The following ETV6 variants were observed in gnomAD, a reference collection of about 807,000 sequenced individuals.
ETV6 encodes the protein transcription factor ETV6.
A neutral mutation model predicts 51.1 loss-of-function variants in ETV6; 16 were observed. That is an observed-to-expected ratio of 0.31 (90% CI 0.21 to 0.48). The LOEUF (loss-of-function observed/expected upper bound fraction) is 0.48. ETV6 is among the 20% of genes least tolerant of loss of function. ETV6 has a pLI of 0.99. For missense variants in ETV6, 458 were observed against 594.8 expected, an observed-to-expected ratio of 0.77 and a Z score of 2.39; for synonymous variants, 240 against 224.1, an observed-to-expected ratio of 1.07 and a Z score of -0.64.
chr12:11,841,037 G>T (rs1322457346), intron 3 of ETV6, among the ~76,000 whole-genome samples: 4 of 152,190 alleles, frequency 2.6e-5, no homozygotes, highest in Non-Finnish European at 4.4e-5. Flanking sequence ...ACAGTGGTGG[G>T]TTTTGACTTG....
chr12:11,867,349 T>C (rs1946803596), intron 4 of ETV6, among the ~76,000 whole-genome samples: 1 of 152,184 alleles, frequency 6.6e-6, no homozygotes, highest in Non-Finnish European at 1.5e-5. Flanking sequence ...TACTCCTCAT[T>C]CCTTTTTACT....
chr12:11,850,351 C>G (rs1316577837), intron 3 of ETV6, among the ~76,000 whole-genome samples: 1 of 152,156 alleles, frequency 6.6e-6, no homozygotes, highest in Non-Finnish European at 1.5e-5. Context: ...CCCACCAGGT[C>G]AGGATGAGAC....
chr12:11,710,253 C>T (rs1016594113), intron 1 of ETV6, among the ~76,000 whole-genome samples: 1 of 151,948 alleles, frequency 6.6e-6, no homozygotes, highest in Non-Finnish European at 1.5e-5. Context: ...ACCGTTATTC[C>T]CTCCCCAGCA....
At chr12:11,850,501 C>T (rs1354054313) in intron 3 of ETV6, among the ~76,000 whole-genome samples, 4 of 152,158 alleles carry the variant, frequency 2.6e-5, no homozygotes, top group African/African-American at 9.7e-5. Flanking sequence ...CACACCTGTC[C>T]CAAGCCACTA....
intron 4 of ETV6, among the ~76,000 whole-genome samples, chr12:11,863,839 G>A (rs1344009903): frequency 6.6e-6 from 1 of 152,132 alleles, no homozygotes; most frequent in Non-Finnish European, 1.5e-5. Context: ...CTCCATACAT[G>A]GGCACTGCTT....
rs2723832 is a variant in ETV6, at chr12:11,890,743, C to G, written c.1254-198C>G. ...CCTGGCCCTAGTCTTTTTAAATAAGCATTTTACCACTTTTTAGACAGTCAG... is the reference window on the plus strand; with the variant it reads ...CCTGGCCCTAGTCTTTTTAAATAAGGATTTTACCACTTTTTAGACAGTCAG... On this transcript the variant is annotated intron_variant, in intron 7 of 7. Coordinates refer to ENST00000396373, the MANE Select transcript of ETV6 (RefSeq NM_001987.5). Among the ~76,000 whole-genome samples the G allele has an allele frequency of 0.08, 12,125 of 152,130 alleles. 586 individuals are homozygous for G. The highest frequency in any genetic ancestry group is 0.13 in the East Asian group (695 of 5,174).
At chr12:11,843,874 A>G (rs564405616) in intron 3 of ETV6, among the ~76,000 whole-genome samples, 6 of 152,256 alleles carry the variant, frequency 3.9e-5, no homozygotes, top group African/African-American at 1.4e-4. Flanking sequence ...CAAATGGAAT[A>G]TTTTCTTTGG....
At chr12:11,792,580 G>A (rs575701510) in intron 2 of ETV6, among the ~76,000 whole-genome samples, 77 of 152,182 alleles carry the variant, frequency 5.1e-4, no homozygotes, top group African/African-American at 1.5e-3. Context: ...CCAGGTACTC[G>A]GGAGGCTGAG....
In ETV6 at chr12:11,869,989, G is replaced by A. The variant is rs755291938; in HGVS notation, c.1009+20G>A. On this transcript the variant is annotated intron_variant, in intron 5 of 7. Coordinates refer to ENST00000396373, the MANE Select transcript of ETV6 (RefSeq NM_001987.5). The surrounding 1 kb of genome is among the most constrained non-coding windows in gnomAD (Gnocchi z 5.0). ...TAGCAGGTGAGTGAGTTCCCCTCTC[G>A]CCGCTCCAGCATCATGGGGACCTGA... 2.2e-5 allele frequency: 34 copies of A among 1,578,482 alleles called. No homozygotes were observed. The highest frequency in any genetic ancestry group is 2.1e-4 in the African/African-American group (16 of 74,630).
At chr12:11,823,187 C>A (rs1225551040) in intron 2 of ETV6, among the ~76,000 whole-genome samples, 7 of 152,152 alleles carry the variant, frequency 4.6e-5, no homozygotes, top group Non-Finnish European at 1.0e-4. Context: ...ATCGCTCCTC[C>A]TAAGGGCTTG....
chr12:11,721,419 A>G (rs1444947542), intron 1 of ETV6, among the ~76,000 whole-genome samples: 1 of 152,242 alleles, frequency 6.6e-6, no homozygotes, highest in Non-Finnish European at 1.5e-5. Flanking sequence ...TTATAGCAAC[A>G]TGGGTAACCA....
intron 1 of ETV6, among the ~76,000 whole-genome samples, chr12:11,705,494 T>G (rs755161860): frequency 5.9e-5 from 9 of 152,228 alleles, no homozygotes; most frequent in Non-Finnish European, 1.3e-4. Context: ...TGCAGCAAAC[T>G]GCTTTGGACT....
intron 5 of ETV6, among the ~76,000 whole-genome samples, chr12:11,872,176 A>G (rs2238132): frequency 0.5 from 75,516 of 152,102 alleles, 19,647 homozygotes; most frequent in South Asian, 0.6. Context: ...TCATTTGTAC[A>G]GGGGAAACCA....
At chr12:11,874,958 A>G (rs886757687) in intron 5 of ETV6, among the ~76,000 whole-genome samples, 3 of 150,944 alleles carry the variant, frequency 2.0e-5, no homozygotes, top group Non-Finnish European at 4.4e-5. Flanking sequence ...TGACGAGTTA[A>G]TGGGTGCAGC....
At chr12:11,781,291 C>T (rs1945410084) in intron 2 of ETV6, among the ~76,000 whole-genome samples, 1 of 152,196 alleles carries the variant, frequency 6.6e-6, no homozygotes, top group Non-Finnish European at 1.5e-5. Context: ...GGACAGTCCT[C>T]CCCTGCTTGT....
chr12:11,696,733 C>T (rs2954984), intron 1 of ETV6, among the ~76,000 whole-genome samples: 86,657 of 151,964 alleles, frequency 0.57, 24,822 homozygotes, highest in Middle Eastern at 0.67. Context: ...GAAGAATTGC[C>T]TGAACCCGGG....
chr12:11,853,744 A>C (rs1004511013), intron 4 of ETV6, among the ~76,000 whole-genome samples, 183 bp downstream of exon 4: 1 of 152,256 alleles, frequency 6.6e-6, no homozygotes, highest in African/African-American at 2.4e-5. Context: ...AAAGCGAAGC[A>C]GTGAGATGGA....
intron 2 of ETV6, among the ~76,000 whole-genome samples, chr12:11,809,443 A>G (rs79965786): frequency 0.014 from 2,062 of 152,300 alleles, 17 homozygotes; most frequent in Middle Eastern, 0.031. Context: ...TTCCTCTTCT[A>G]ATAAAGAGGA....
intron 2 of ETV6, among the ~76,000 whole-genome samples, chr12:11,783,906 G>A (rs1317751167): frequency 6.6e-6 from 1 of 152,120 alleles, no homozygotes; most frequent in African/African-American, 2.4e-5. Flanking sequence ...AGGTGGCAGT[G>A]AAGGAAATGG....
Sources: gnomAD v4.1 joint callset for allele counts (sites outside exome capture counted in the v4.1 genomes callset) on GRCh38, gnomAD v4.1.1 for gene constraint, Gnocchi (gnomAD v3.1) non-coding constraint, MANE v1.5 for transcripts, NCBI Gene and HGNC (gene_info 2026-07-23, HGNC 2026-07-21) for gene names.